Variants in IGF2 observed in about 807,000 individuals in gnomAD.
IGF2 encodes the protein insulin like growth factor 2.
In IGF2, 2 loss-of-function variants were observed where a neutral mutation model predicts 12.0. The ratio of observed to expected loss-of-function variants is 0.17; its 90% CI spans 0.07 to 0.52. The LOEUF (loss-of-function observed/expected upper bound fraction) is 0.52, where lower values mean the gene tolerates loss of function less well. Ranked by LOEUF, IGF2 falls within the 20% of genes least tolerant of loss-of-function variation. The pLI, the probability that IGF2 is intolerant of heterozygous loss-of-function variation, is 0.95. For synonymous variants in IGF2, 105 were observed against 110.1 expected (o/e 0.95, Z 0.29); for missense variants, 211 against 268.0 (o/e 0.79, Z 1.48).
upstream of IGF2, among the ~76,000 whole-genome samples, chr11:2,142,405 A>G (rs17880120): frequency 4.5e-4 from 68 of 152,270 alleles, no homozygotes; most frequent in African/African-American, 1.5e-3. This position sits in a 1 kb window ranked among gnomAD's most constrained non-coding sequence, Gnocchi z 5.7. Context: ...CAGAATTCCT[A>G]GGTCTTAGGA....
upstream of IGF2, chr11:2,140,484 C>A: frequency 1.7e-6 from 1 of 591,098 alleles, no homozygotes; most frequent in South Asian, 2.0e-5. Flanking sequence ...TCACTTCGCC[C>A]GCGCTCCGCG....
the IGF2 span, chr11:2,146,536 G>A: frequency 2.7e-5 from 11 of 401,496 alleles, no homozygotes; most frequent in South Asian, 1.8e-4. Flanking sequence ...AAGTACGTGG[G>A]GGATATGGGT....
Position 2,131,594 on chromosome 11 carries a change from T to C in IGF2, c.*1393A>G. On this transcript the variant is annotated 3_prime_UTR_variant, in exon 4 of 4. Transcript: ENST00000416167. ...GTGTGTGTGCTGTGTTCATGTGTGC[T>C]GTGCATGCGTGTGTGCTGTGTGTGC... The C allele has an allele frequency of 1.0e-5, 2 of 199,640 alleles. No homozygotes were observed. Among genetic ancestry groups the C allele is most frequent in the Non-Finnish European group, 2.0e-5 (2 of 102,516 alleles). 12.4% of individuals were successfully genotyped at this position (199,640 alleles called of 1,614,324 possible).
upstream of IGF2, among the ~76,000 whole-genome samples, chr11:2,145,166 C>T (rs976661805): frequency 6.6e-6 from 1 of 152,240 alleles, no homozygotes; most frequent in Non-Finnish European, 1.5e-5. Context: ...CCCTTCCCAC[C>T]AGCCTTCTGC....
chr11:2,138,070 C>CCGT (rs1191008009), intron 1 of IGF2, among the ~76,000 whole-genome samples, 159 bp downstream of exon 1: 2 of 151,304 alleles, frequency 1.3e-5, no homozygotes, highest in South Asian at 2.1e-4. Flanking sequence ...CCGCAGCCGT[C>CCGT]CGTCCTCCTC....
At chr11:2,139,636 G>A (rs1167617699), upstream of IGF2, among the ~76,000 whole-genome samples, 1 of 150,434 alleles carries the variant, frequency 6.6e-6, no homozygotes. Context: ...TGGGTGGGGG[G>A]CAGGGAGCCG....
chr11:2,134,576 C>T (rs900059783), intron 2 of IGF2, among the ~76,000 whole-genome samples: 1 of 152,248 alleles, frequency 6.6e-6, no homozygotes, highest in Non-Finnish European at 1.5e-5. Context: ...CGTGAGTAAG[C>T]AGTGGTGGTA....
chr11:2,131,951 TTGTGTGCTGTGTGTGCATGTGTGTGCGTG>T lies in IGF2; in HGVS notation c.*1007_*1035del. 6.0e-6 allele frequency: 1 copy of T among 166,712 alleles called. No individual in the cohort carries two copies. The highest frequency in any genetic ancestry group is 2.9e-5 in the African/African-American group (1 of 34,372). The allele number at this position is 166,712 out of a possible 1,614,324, so 10.3% of individuals were successfully genotyped here. ...GTGTGTGCGTGTGTGTGCCGTGCGT[TTGTGTGCTGTGTGTGCATGTGTGTGCGTG>T]TGTGTGCTGTGCGTTTGTGTGTGTG... On this transcript the variant is annotated 3_prime_UTR_variant, in exon 4 of 4. Coordinates refer to ENST00000416167, the MANE Select transcript of IGF2 (RefSeq NM_000612.6).
upstream of IGF2, among the ~76,000 whole-genome samples, chr11:2,139,548 G>A (rs1438850463): frequency 7.1e-6 from 1 of 140,652 alleles, no homozygotes; most frequent in African/African-American, 2.6e-5. Context: ...AGCGGGGCGG[G>A]GGGTGCGGGC....
chr11:2,138,158 G>A (rs1859224874), intron 1 of IGF2, 71 bp downstream of exon 1: 8 of 933,666 alleles, frequency 8.6e-6, no homozygotes, highest in South Asian at 4.9e-5. Context: ...GGCGGAGGAA[G>A]GGCCGGGCGT....
chr11:2,138,135 C>A (rs1859222240), intron 1 of IGF2, 94 bp downstream of exon 1: 2 of 817,664 alleles, frequency 2.4e-6, no homozygotes, highest in African/African-American at 3.7e-5. Context: ...CCGCAGGCCC[C>A]GGGCCGGGAG....
At position 2,135,437 on chromosome 11, in the gene IGF2, A is replaced by T; in HGVS notation, c.87T>A (p.Ser29Arg). The change falls in exon 2 of 4, where the codon AGT becomes AGA. Residue 29 changes from serine (S) to arginine (R), a missense_variant. Transcript: ENST00000416167. The stretch of plus-strand genomic sequence containing the variant: ...CCAGCTCCCCGCCGCACAGGGTCTC[A>T]CTGGGGCGGTAAGCAGCAATGCAGC... ...ASCCIAAYRP[S>R]ETLCGGELVD... 6.2e-7 allele frequency: 1 copy of T among 1,610,872 alleles called. No homozygotes were observed. Among genetic ancestry groups the T allele is most frequent in the South Asian group, 1.1e-5 (1 of 91,044 alleles).
In IGF2 at chr11:2,131,870, C is replaced by CGTGTGTGCTGTGCGTTT. The variant is rs374335327; in HGVS notation, c.*1100_*1116dup. The CGTGTGTGCTGTGCGTTT allele has an allele frequency of 2.2e-5, 2 of 92,298 alleles. No individual in the cohort carries two copies. Among genetic ancestry groups the CGTGTGTGCTGTGCGTTT allele is most frequent in the African/African-American group, 9.3e-5 (2 of 21,426 alleles). The allele number at this position is 92,298 out of a possible 1,614,324, so 5.7% of individuals were successfully genotyped here. A position where few individuals can be genotyped will look rare whatever the true frequency, so the allele number is the denominator to read the frequency against. On this transcript the variant is annotated 3_prime_UTR_variant, in exon 4 of 4. Transcript: ENST00000416167. The stretch of plus-strand genomic sequence containing the variant: ...TGTGCTCGTGTGTGTGCTGTGTGTG[C>CGTGTGTGCTGTGCGTTT]GTGTGTGCTGTGCGTTTGTGTGTGC...
In IGF2 at chr11:2,133,794, T is replaced by A. The variant is rs893274296; in HGVS notation, c.158-129A>T. On this transcript the variant is annotated intron_variant, in intron 2 of 3. Transcript: ENST00000416167. This position sits in a 1 kb window ranked among gnomAD's most constrained non-coding sequence, Gnocchi z 8.9. ...TGGAAGGACGCAGCCACCCTGCGGGTCAGGGGAGGGAAGTGAGAGCTGGCA... is the reference window on the plus strand; with the variant it reads ...TGGAAGGACGCAGCCACCCTGCGGGACAGGGGAGGGAAGTGAGAGCTGGCA... 60 of 1,135,894 alleles carry A rather than the reference T, an allele frequency of 5.3e-5. No individual in the cohort carries two copies. Among genetic ancestry groups the A allele is most frequent in the Admixed American group, 7.9e-5 (3 of 38,036 alleles). 70.4% of individuals were successfully genotyped at this position (1,135,894 alleles called of 1,614,324 possible).
At chr11:2,145,965 G>A (rs1859903947), upstream of IGF2, among the ~76,000 whole-genome samples, 1 of 152,028 alleles carries the variant, frequency 6.6e-6, no homozygotes. Flanking sequence ...CAAGGGTGTT[G>A]GGAGGGGGCC....
chr11:2,147,452 C>T, the IGF2 span: 59 of 442,450 alleles, frequency 1.3e-4, no homozygotes, highest in African/African-American at 2.4e-4. This position sits in a 1 kb window ranked among gnomAD's most constrained non-coding sequence, Gnocchi z 7.2. Context: ...ACTGAATCCA[C>T]GCCAGCCTCT....
chr11:2,133,747 C>T lies in IGF2; in HGVS notation c.158-82G>A. On this transcript the variant is annotated intron_variant, in intron 2 of 3. Transcript: ENST00000416167. This position sits in a 1 kb window ranked among gnomAD's most constrained non-coding sequence, Gnocchi z 8.9. ...CGGAGGCTGAAGGGGGAGCAAACCA[C>T]CCCTGCCCTCAGGCCAGGCCCTGGA... 8 of 1,538,106 alleles carry T rather than the reference C, an allele frequency of 5.2e-6. No homozygotes were observed. Among genetic ancestry groups the T allele is most frequent in the Non-Finnish European group, 7.1e-6 (8 of 1,131,648 alleles).
chr11:2,140,001 G>A, upstream of IGF2: 2 of 777,636 alleles, frequency 2.6e-6, no homozygotes, highest in Non-Finnish European at 3.7e-6. Context: ...CCGGAGCCCC[G>A]GAGCCCCCGC....
At chr11:2,143,759 A>C (rs1859742360), upstream of IGF2, among the ~76,000 whole-genome samples, 1 of 152,264 alleles carries the variant, frequency 6.6e-6, no homozygotes, top group South Asian at 2.1e-4. Context: ...CGAAATGGTG[A>C]GTATATTTAG....
Sources: allele counts gnomAD v4.1 joint callset (sites outside exome capture counted in the v4.1 genomes callset), GRCh38; gene constraint gnomAD v4.1.1; non-coding constraint Gnocchi (gnomAD v3.1); transcripts MANE v1.5; gene names NCBI Gene and HGNC (gene_info 2026-07-23, HGNC 2026-07-21).